The following NRXN1 variants were observed in gnomAD, a reference collection of about 807,000 sequenced individuals.
The protein encoded by NRXN1 is neurexin-1.
In NRXN1, 39 loss-of-function variants were observed where a neutral mutation model predicts 150.9. The ratio of observed to expected loss-of-function variants is 0.26; its 90% CI spans 0.20 to 0.34. The LOEUF (loss-of-function observed/expected upper bound fraction) is 0.34, where lower values mean the gene tolerates loss of function less well. NRXN1 is among the 10% of genes least tolerant of loss of function. The probability of loss-of-function intolerance (pLI) is 1.00; values close to 1 mark genes in which losing one functional copy is unlikely to be tolerated. For missense variants in NRXN1, 1,815 were observed against 1,949.9 expected (o/e 0.93, Z 1.30); for synonymous variants, 924 against 757.0 (o/e 1.22, Z -3.62).
At chr2:50,864,441 G>T (rs1029636862) in intron 5 of NRXN1, among the ~76,000 whole-genome samples, 2 of 151,900 alleles carry the variant, frequency 1.3e-5, no homozygotes, top group African/African-American at 4.8e-5. Flanking sequence ...TACACATAAA[G>T]GTAATGGAAG....
chr2:50,147,713 T>A (rs932191919), intron 18 of NRXN1, among the ~76,000 whole-genome samples: 1 of 151,784 alleles, frequency 6.6e-6, no homozygotes, highest in African/African-American at 2.4e-5. Context: ...AAAAACCACT[T>A]AGTTAGATTT....
intron 21 of NRXN1, among the ~76,000 whole-genome samples, chr2:49,958,079 G>A (rs1044610666): frequency 6.6e-6 from 1 of 152,122 alleles, no homozygotes; most frequent in African/African-American, 2.4e-5. Context: ...CTCAGTGGCT[G>A]GTGCAAAGCC....
At chr2:50,760,883 A>G (rs908314838) in intron 5 of NRXN1, among the ~76,000 whole-genome samples, 4 of 151,858 alleles carry the variant, frequency 2.6e-5, no homozygotes, top group African/African-American at 9.7e-5. Context: ...ACCACAATCT[A>G]TTCACATTGT....
At chr2:49,929,215 C>G (rs773833375) in intron 22 of NRXN1, among the ~76,000 whole-genome samples, 19 of 152,118 alleles carry the variant, frequency 1.2e-4, no homozygotes, top group African/African-American at 4.6e-4. Flanking sequence ...AGGCTGCTAC[C>G]TCATATGGTA....
rs1351744691 is a variant in NRXN1 at position 49,919,236 on chromosome 2, G to A, written c.*2708C>T. 6 of 152,132 alleles carry A rather than the reference G, an allele frequency of 3.9e-5. No individual in the cohort carries two copies. The East Asian group carries it at 7.7e-4, about 20-fold the overall frequency. The allele number at this position is 152,132 out of a possible 1,614,324, so 9.4% of individuals were successfully genotyped here. A position where few individuals can be genotyped will look rare whatever the true frequency, so the allele number is the denominator to read the frequency against. ...CAGGGAACCCTGATATGTTTGGTAT[G>A]AAGATACTTGGGATTCAAGTCATTT... On this transcript the variant is annotated 3_prime_UTR_variant, in exon 23 of 23. Transcript: ENST00000401669.
chr2:50,629,668 A>T (rs1291029507), intron 5 of NRXN1, among the ~76,000 whole-genome samples: 1 of 151,736 alleles, frequency 6.6e-6, no homozygotes, highest in African/African-American at 2.4e-5. Flanking sequence ...AATTTGTCTG[A>T]TGAAGTATTT....
intron 5 of NRXN1, among the ~76,000 whole-genome samples, chr2:50,773,758 C>A (rs1465138070): frequency 6.6e-6 from 1 of 152,080 alleles, no homozygotes; most frequent in Non-Finnish European, 1.5e-5. Flanking sequence ...GGTTTCCAGG[C>A]CATTTGTTCT....
At chr2:50,352,197 G>C (rs908205481) in intron 17 of NRXN1, among the ~76,000 whole-genome samples, 1 of 152,106 alleles carries the variant, frequency 6.6e-6, no homozygotes, top group Non-Finnish European at 1.5e-5. Flanking sequence ...GGATTTGAAA[G>C]TTGAGAGGAA....
intron 17 of NRXN1, among the ~76,000 whole-genome samples, chr2:50,358,703 G>C (rs1264070291): frequency 6.6e-6 from 1 of 152,236 alleles, no homozygotes; most frequent in Non-Finnish European, 1.5e-5. Flanking sequence ...AAGAGCAGCA[G>C]ATCTTGCAGC....
At chr2:51,012,191 G>A (rs1029817788) in intron 2 of NRXN1, among the ~76,000 whole-genome samples, 1 of 151,868 alleles carries the variant, frequency 6.6e-6, no homozygotes, top group Non-Finnish European at 1.5e-5. Context: ...ATTTTATGCT[G>A]CAACAAACTC....
At chr2:50,365,030 C>CATA (rs2153013351) in intron 17 of NRXN1, among the ~76,000 whole-genome samples, 1 of 152,074 alleles carries the variant, frequency 6.6e-6, no homozygotes, top group East Asian at 1.9e-4. Flanking sequence ...AGGCTTTACA[C>CATA]AGCATGGCAA....
chr2:49,974,252 G>A (rs1558615857), intron 21 of NRXN1: 2 of 638,394 alleles, frequency 3.1e-6, no homozygotes, highest in Admixed American at 2.1e-5. Context: ...GACGCACTAC[G>A]GCAGGAAGGG....
chr2:50,909,446 T>G (rs1684221516), intron 5 of NRXN1, among the ~76,000 whole-genome samples: 1 of 152,064 alleles, frequency 6.6e-6, no homozygotes, highest in African/African-American at 2.4e-5. Context: ...TCCCTCTCCA[T>G]TCTAAAGCAA....
intron 5 of NRXN1, among the ~76,000 whole-genome samples, chr2:50,647,220 G>T (rs1281933923): frequency 2.0e-5 from 3 of 151,778 alleles, no homozygotes; most frequent in Non-Finnish European, 4.4e-5. Context: ...ACAGATAGTA[G>T]GCCCAGGGAA....
chr2:50,455,834 G>C (rs945902881), intron 17 of NRXN1, among the ~76,000 whole-genome samples: 4 of 152,098 alleles, frequency 2.6e-5, no homozygotes, highest in Non-Finnish European at 5.9e-5. Flanking sequence ...AATCATGGCT[G>C]GGATATTTAG....
At chr2:50,541,798 C>T (rs2093396038) in intron 9 of NRXN1, among the ~76,000 whole-genome samples, 1 of 151,238 alleles carries the variant, frequency 6.6e-6, no homozygotes. Context: ...TTTTCTCTCT[C>T]ATCATATCAT....
chr2:50,019,641 C>CAAAAAAA (rs764073226), intron 21 of NRXN1, among the ~76,000 whole-genome samples: 10,556 of 25,024 alleles, frequency 0.42, 2,429 homozygotes, highest in East Asian at 0.5. Flanking sequence ...GATTCCGTCT[C>CAAAAAAA]AAAAAAAAAA....
intron 21 of NRXN1, among the ~76,000 whole-genome samples, chr2:49,955,217 C>G (rs1403399094): frequency 6.6e-6 from 1 of 151,954 alleles, no homozygotes; most frequent in Non-Finnish European, 1.5e-5. Flanking sequence ...TCATTTATAC[C>G]AGCTAATTAA....
At chr2:50,148,719 G>C (rs1191948085) in intron 18 of NRXN1, among the ~76,000 whole-genome samples, 1 of 151,710 alleles carries the variant, frequency 6.6e-6, no homozygotes, top group Non-Finnish European at 1.5e-5. Context: ...CACTGTCAGA[G>C]GATAGAAACA....
Sources: gnomAD v4.1 joint callset for allele counts (sites outside exome capture counted in the v4.1 genomes callset) on GRCh38, gnomAD v4.1.1 for gene constraint, MANE v1.5 for transcripts, NCBI Gene and HGNC (gene_info 2026-07-23, HGNC 2026-07-21) for gene names.